SPRY3: variants seen among roughly 807,000 people sequenced by gnomAD.
The protein encoded by SPRY3 is protein sprouty homolog 3.
A neutral mutation model predicts 20.2 loss-of-function variants in SPRY3; 15 were observed. The ratio of observed to expected loss-of-function variants is 0.74; its 90% CI spans 0.50 to 1.14. SPRY3 has a LOEUF of 1.14. Among genes scored for constraint, SPRY3 ranks in the 50% most tolerant of loss-of-function variants. SPRY3 has a pLI of 0.00. For synonymous variants in SPRY3, 143 were observed against 136.5 expected, an observed-to-expected ratio of 1.05 and a Z score of -0.33; for missense variants, 364 against 363.9, an observed-to-expected ratio of 1.00 and a Z score of 0.00.
chrX:155,705,294 A>G, intron 2 of SPRY3, among the ~76,000 whole-genome samples: 1 of 151,482 alleles, frequency 6.6e-6, no homozygotes. Context: ...GAAGTAGGAG[A>G]ATAATATTTG....
At chrX:155,711,689 T>TA (rs2090987649) in intron 2 of SPRY3, among the ~76,000 whole-genome samples, 1 of 32,804 alleles carries the variant, frequency 3.0e-5, no homozygotes. Context: ...CTTTTTACTA[T>TA]TTTTTTTTTG....
At chrX:155,653,398 C>T (rs1175286366) in intron 1 of SPRY3, among the ~76,000 whole-genome samples, 3 of 111,756 alleles carry the variant, frequency 2.7e-5, no homozygotes, top group African/African-American at 9.8e-5. Flanking sequence ...GGTCTTTGAA[C>T]TATTTTGAGT....
In SPRY3 at chrX:155,769,543, A is replaced by T. The variant is rs762031462; in HGVS notation, c.-107+1407A>T. Among the ~76,000 whole-genome samples the T allele has an allele frequency of 3.8e-3, 213 of 56,122 alleles. 2 individuals carry two copies. The highest frequency in any genetic ancestry group is 0.015 in the South Asian group (13 of 876). 36.8% of individuals were successfully genotyped at this position (56,122 alleles called of 152,430 possible). On this transcript the variant is annotated intron_variant, in intron 3 of 3. Coordinates refer to ENST00000675360, the Ensembl canonical transcript of SPRY3. ...GTCATATAAAAGGATTTGAGTTTTTAAAAAAAAAATCCTACTTCTTAGATG... is the reference window on the plus strand; with the variant it reads ...GTCATATAAAAGGATTTGAGTTTTTTAAAAAAAAATCCTACTTCTTAGATG...
At chrX:155,660,416 A>G (rs1159016245) in intron 2 of SPRY3, among the ~76,000 whole-genome samples, 2 of 112,072 alleles carry the variant, frequency 1.8e-5, no homozygotes, top group Non-Finnish European at 3.8e-5. Context: ...TTTCAAATTT[A>G]TTGAGACTGG....
intron 2 of SPRY3, among the ~76,000 whole-genome samples, chrX:155,706,888 G>A (rs2090955503): frequency 6.6e-6 from 1 of 150,862 alleles, no homozygotes; most frequent in Non-Finnish European, 1.5e-5. Context: ...TATTTCATTG[G>A]TACATTCTCC....
At chrX:155,649,795 AG>A (rs1170662227) in intron 1 of SPRY3, among the ~76,000 whole-genome samples, 1 of 111,454 alleles carries the variant, frequency 9.0e-6, no homozygotes, top group African/African-American at 3.3e-5. Flanking sequence ...AAGGAAATAA[AG>A]GGTATTCAAA....
At chrX:155,655,067 T>C (rs2067987980) in intron 1 of SPRY3, among the ~76,000 whole-genome samples, 1 of 111,578 alleles carries the variant, frequency 9.0e-6, no homozygotes, top group Non-Finnish European at 1.9e-5. Flanking sequence ...TTCTGACTGG[T>C]ATACAATGAT....
intron 2 of SPRY3, among the ~76,000 whole-genome samples, chrX:155,733,668 G>C (rs1375997925): frequency 6.6e-6 from 1 of 152,022 alleles, no homozygotes; most frequent in Non-Finnish European, 1.5e-5. Flanking sequence ...AAGCTTTGAA[G>C]TCAGGCATTG....
intron 1 of SPRY3, among the ~76,000 whole-genome samples, chrX:155,629,055 T>C (rs2067897460): frequency 9.1e-6 from 1 of 110,198 alleles, no homozygotes; most frequent in African/African-American, 3.3e-5. Flanking sequence ...CTAGGGTACA[T>C]GTGCACAATG....
chrX:155,738,766 C>A (rs1219758445), intron 2 of SPRY3, among the ~76,000 whole-genome samples: 1 of 152,196 alleles, frequency 6.6e-6, no homozygotes, highest in East Asian at 1.9e-4. Flanking sequence ...GGGTCTGAAG[C>A]ACAGGGCTGT....
At chrX:155,722,855 C>T (rs2091069361) in intron 2 of SPRY3, among the ~76,000 whole-genome samples, 1 of 151,900 alleles carries the variant, frequency 6.6e-6, no homozygotes, top group South Asian at 2.1e-4. Context: ...TATAGGTATA[C>T]ATGTGCCATG....
chrX:155,627,383 C>A (rs782752028), intron 1 of SPRY3, among the ~76,000 whole-genome samples: 64 of 111,890 alleles, frequency 5.7e-4, no homozygotes, highest in Non-Finnish European at 1.0e-3. Flanking sequence ...CAGGTTCATC[C>A]ATGCTGTGAC....
chrX:155,612,942 G>A (rs2067835458), intron 1 of SPRY3: 1 of 112,352 alleles, frequency 8.9e-6, no homozygotes, highest in Admixed American at 9.3e-5. Flanking sequence ...CTCGGGCCCA[G>A]CGGAGAGCCT....
At chrX:155,774,126 C>G in exon 4 of SPRY3, 1 of 1,614,010 alleles carries the variant, frequency 6.2e-7, no homozygotes, top group Non-Finnish European at 8.5e-7. Flanking sequence ...CTAGCATTGC[C>G]AGCTCAATGT....
chrX:155,664,604 G>A (rs2068019187), intron 2 of SPRY3, among the ~76,000 whole-genome samples: 1 of 110,532 alleles, frequency 9.0e-6, no homozygotes, highest in Admixed American at 9.7e-5. Context: ...ATAAATCAGT[G>A]TATGAAATGA....
At chrX:155,720,244 C>T (rs1288468221) in intron 2 of SPRY3, among the ~76,000 whole-genome samples, 4 of 152,068 alleles carry the variant, frequency 2.6e-5, no homozygotes, top group African/African-American at 4.8e-5. Context: ...TGGGAAGGAC[C>T]GTGTCTAGTT....
At chrX:155,661,437 G>C (rs996909928) in intron 2 of SPRY3, among the ~76,000 whole-genome samples, 1 of 111,310 alleles carries the variant, frequency 9.0e-6, no homozygotes, top group African/African-American at 3.3e-5. Context: ...GTGATTAGAT[G>C]CTTCTCCCTT....
At chrX:155,651,780 T>C (rs1373893628) in intron 1 of SPRY3, among the ~76,000 whole-genome samples, 2 of 112,285 alleles carry the variant, frequency 1.8e-5, no homozygotes, top group African/African-American at 6.5e-5. Flanking sequence ...AGGCATGCAA[T>C]GCATAATAAT....
downstream of SPRY3, chrX:155,778,216 C>A (rs2091441427): frequency 6.0e-6 from 1 of 167,030 alleles, no homozygotes; most frequent in African/African-American, 2.4e-5. Context: ...CAGTGTAAAC[C>A]ATTCTGGAGT....
Sources: allele counts gnomAD v4.1 joint callset (sites outside exome capture counted in the v4.1 genomes callset), GRCh38; gene constraint gnomAD v4.1.1; transcripts MANE v1.5; gene names NCBI Gene and HGNC (gene_info 2026-07-23, HGNC 2026-07-21).